MKLN1: variants seen among roughly 807,000 people sequenced by gnomAD.
The protein encoded by MKLN1 is muskelin.
In MKLN1, 18 loss-of-function variants were observed where a neutral mutation model predicts 99.0. The observed-to-expected ratio is 0.18, with a 90% CI of 0.13 to 0.27. The LOEUF is 0.27. Ranked by LOEUF, MKLN1 falls within the 10% of genes least tolerant of loss-of-function variation. MKLN1 has a pLI of 1.00. For synonymous variants in MKLN1, 288 were observed against 293.2 expected (o/e 0.98, Z 0.18); for missense variants, 621 against 875.9 (o/e 0.71, Z 3.67).
chr7:131,329,087 A>G (rs1798988357), intron 1 of MKLN1, among the ~76,000 whole-genome samples: 1 of 152,244 alleles, frequency 6.6e-6, no homozygotes, highest in African/African-American at 2.4e-5. Flanking sequence ...TTTACTGAGT[A>G]TTTTACTAAA....
intron 4 of MKLN1, among the ~76,000 whole-genome samples, chr7:131,396,993 C>T (rs891062459): frequency 6.6e-6 from 1 of 152,126 alleles, no homozygotes; most frequent in African/African-American, 2.4e-5. Flanking sequence ...CCTGTTAAAT[C>T]ATCTAATTCT....
At chr7:131,210,396 G>A (rs1796882980) in intron 3 of MKLN1, among the ~76,000 whole-genome samples, 1 of 151,908 alleles carries the variant, frequency 6.6e-6, no homozygotes, top group Non-Finnish European at 1.5e-5. Context: ...AGCAGGCGTG[G>A]CAGCGTGCAC....
At position 131,491,131 on chromosome 7, in the gene MKLN1, G is replaced by A. The variant is rs989914509; in HGVS notation, c.*3403G>A. The stretch of plus-strand genomic sequence containing the variant: ...ACGTGAAATCCTTAGCTGGTTGAAT[G>A]TTGCACAGTATTTGAGAATTACGGT... On this transcript the variant is annotated 3_prime_UTR_variant, in exon 18 of 18. Transcript: ENST00000352689. The A allele has an allele frequency of 6.6e-6, 1 of 152,016 alleles. No homozygotes were observed. The highest frequency in any genetic ancestry group is 2.4e-5 in the African/African-American group (1 of 41,390). The allele number at this position is 152,016 out of a possible 1,614,324, so 9.4% of individuals were successfully genotyped here.
intron 10 of MKLN1, among the ~76,000 whole-genome samples, chr7:131,439,788 G>T (rs1027923747): frequency 6.6e-6 from 1 of 151,692 alleles, no homozygotes; most frequent in Non-Finnish European, 1.5e-5. Context: ...ACATAGTGGC[G>T]GTTTAGTTCT....
Position 131,455,250 on chromosome 7 carries a change from CT to C in MKLN1, c.1526-7958del, listed in dbSNP as rs367699878. ...AAAGGACTTCGAAAATATTTGTTAA[CT>C]TTTTTTTTATCCCCCCTCCCACAGG... On this transcript the variant is annotated intron_variant, in intron 12 of 17. Transcript: ENST00000352689. Among the ~76,000 whole-genome samples, 926 of 151,530 alleles carry C rather than the reference CT, an allele frequency of 6.1e-3. 8 individuals carry two copies. The highest frequency in any genetic ancestry group is 0.021 in the African/African-American group (879 of 41,336).
chr7:131,234,114 G>A (rs569142873), intron 3 of MKLN1, among the ~76,000 whole-genome samples: 6 of 151,940 alleles, frequency 3.9e-5, no homozygotes, highest in African/African-American at 1.5e-4. Context: ...CGAGTAGCTG[G>A]GATTACAGGC....
chr7:131,375,962 C>T (rs957479692), intron 2 of MKLN1, among the ~76,000 whole-genome samples: 4 of 149,984 alleles, frequency 2.7e-5, no homozygotes, highest in Non-Finnish European at 4.4e-5. Context: ...CAGTTATATG[C>T]GTTCAGCATT....
chr7:131,374,270 T>G (rs1793566108), intron 1 of MKLN1, among the ~76,000 whole-genome samples: 1 of 152,172 alleles, frequency 6.6e-6, no homozygotes, highest in Non-Finnish European at 1.5e-5. Context: ...CATACCATTG[T>G]GGAAATACCA....
At chr7:131,131,166 G>A (rs928675528) in intron 1 of MKLN1, among the ~76,000 whole-genome samples, 5 of 148,630 alleles carry the variant, frequency 3.4e-5, no homozygotes, top group African/African-American at 1.2e-4. Flanking sequence ...AACCAGTCTG[G>A]GAAATATAGT....
chr7:131,434,897 T>TG (rs1563346497), intron 9 of MKLN1, among the ~76,000 whole-genome samples: 1 of 152,208 alleles, frequency 6.6e-6, no homozygotes, highest in Non-Finnish European at 1.5e-5. Context: ...TGCACTGACT[T>TG]GAACTTCCAG....
chr7:131,309,309 T>C (rs894868085), intron 3 of MKLN1, among the ~76,000 whole-genome samples: 2 of 152,184 alleles, frequency 1.3e-5, no homozygotes, highest in African/African-American at 4.8e-5. Flanking sequence ...TTAATATAAG[T>C]AGAGAGTTTA....
Position 131,266,076 on chromosome 7 carries a change from A to G in MKLN1, c.-179+63102A>G, listed in dbSNP as rs1797803007. 4.0e-5 allele frequency among the ~76,000 whole-genome samples: 6 copies of G among 149,946 alleles called. No homozygotes were observed. In the South Asian group the frequency reaches 1.3e-3, roughly 32 times the overall value. Reference sequence around the variant, plus strand: ...GTAGTCCCAGCTGCTTGGGAGGCTGAGGCACGAGAATCGCTTGAACCTGGG... The same window carrying G: ...GTAGTCCCAGCTGCTTGGGAGGCTGGGGCACGAGAATCGCTTGAACCTGGG... On this transcript the variant is annotated intron_variant, in intron 3 of 7. Coordinates refer to the MKLN1 transcript ENST00000416992.
At chr7:131,311,756 A>C (rs1219091652) in intron 3 of MKLN1, among the ~76,000 whole-genome samples, 2 of 152,190 alleles carry the variant, frequency 1.3e-5, no homozygotes, top group Non-Finnish European at 2.9e-5. Context: ...TTTGATAGAG[A>C]GTAAACTCGG....
intron 15 of MKLN1, among the ~76,000 whole-genome samples, chr7:131,469,349 GAGAA>G (rs1301218446): frequency 6.6e-6 from 1 of 152,130 alleles, no homozygotes; most frequent in Non-Finnish European, 1.5e-5. Context: ...GATTATCAAA[GAGAA>G]AGAATCTTCT....
At position 131,297,317 on chromosome 7, in the gene MKLN1, C is replaced by A. The variant is rs181046664; in HGVS notation, c.-178-78107C>A. Among the ~76,000 whole-genome samples, 6 of 151,936 alleles carry A rather than the reference C, an allele frequency of 3.9e-5. No homozygotes were observed. In the East Asian group the frequency reaches 1.2e-3, roughly 29 times the overall value. Reference sequence around the variant, plus strand: ...TGGAAGTTGCAGTGAGCCGAGATAGCGCCACTGCACTCCAGTCTGGTGACA... The same window carrying A: ...TGGAAGTTGCAGTGAGCCGAGATAGAGCCACTGCACTCCAGTCTGGTGACA... On this transcript the variant is annotated intron_variant, in intron 3 of 7. Coordinates refer to the MKLN1 transcript ENST00000416992.
chr7:131,333,171 G>T (rs1799129306), intron 1 of MKLN1, among the ~76,000 whole-genome samples: 2 of 152,088 alleles, frequency 1.3e-5, no homozygotes, highest in Non-Finnish European at 2.9e-5. Context: ...TGATCCACTT[G>T]CTTTGGCCTC....
chr7:131,410,313 T>G (rs1354824083), intron 6 of MKLN1, among the ~76,000 whole-genome samples: 1 of 152,170 alleles, frequency 6.6e-6, no homozygotes, highest in Non-Finnish European at 1.5e-5. Flanking sequence ...GTTTCTTACT[T>G]TTTTTAAATA....
At chr7:131,419,523 T>C (rs982812192) in intron 8 of MKLN1, among the ~76,000 whole-genome samples, 2 of 152,176 alleles carry the variant, frequency 1.3e-5, no homozygotes, top group Non-Finnish European at 2.9e-5. Context: ...ATTACATACA[T>C]GAGCCATCGT....
intron 9 of MKLN1, among the ~76,000 whole-genome samples, chr7:131,432,119 C>T (rs1795541935): frequency 1.3e-5 from 2 of 152,224 alleles, no homozygotes; most frequent in Non-Finnish European, 1.5e-5. Context: ...TCCTTAAAGG[C>T]GTGAATCATA....
Sources: gnomAD v4.1 joint callset for allele counts (sites outside exome capture counted in the v4.1 genomes callset) on GRCh38, gnomAD v4.1.1 for gene constraint, MANE v1.5 for transcripts, NCBI Gene and HGNC (gene_info 2026-07-23, HGNC 2026-07-21) for gene names.